PAG1: variants seen among roughly 807,000 people sequenced by gnomAD.
PAG1 encodes phosphoprotein associated with glycosphingolipid-enriched microdomains 1.
In PAG1, 23 loss-of-function variants were observed where a neutral mutation model predicts 31.7. That is an observed-to-expected ratio of 0.73 (90% CI 0.52 to 1.03). The LOEUF (loss-of-function observed/expected upper bound fraction) is 1.03, where lower values mean the gene tolerates loss of function less well. Among genes scored for constraint, PAG1 ranks in the 50% least tolerant of loss-of-function variants. The pLI, the probability that PAG1 is intolerant of heterozygous loss-of-function variation, is 0.00. For missense variants in PAG1, 473 were observed against 540.7 expected (o/e 0.87, Z 1.24); for synonymous variants, 214 against 210.3 (o/e 1.02, Z -0.15).
chr8:80,977,770 C>T (rs1029386896), intron 8 of PAG1, among the ~76,000 whole-genome samples: 20 of 152,134 alleles, frequency 1.3e-4, no homozygotes, highest in South Asian at 2.1e-4. Flanking sequence ...GTATCACCTC[C>T]GATATCAACA....
In PAG1 at chr8:80,990,600, G is replaced by T. The variant is rs1487763664; in HGVS notation, c.177+879C>A. ...ACTGCTCAGCCATTCAAAAGCACGG[G>T]CCTGGGTCAGAGAGGACAAGGAAGG... On this transcript the variant is annotated intron_variant, in intron 5 of 8. Coordinates refer to ENST00000220597, the MANE Select transcript of PAG1 (RefSeq NM_018440.4). The surrounding 1 kb of genome is among the most constrained non-coding windows in gnomAD (Gnocchi z 5.1). Among the ~76,000 whole-genome samples, 1 of 152,150 alleles carries T rather than the reference G, an allele frequency of 6.6e-6. No individual in the cohort carries two copies. Among genetic ancestry groups the T allele is most frequent in the Non-Finnish European group, 1.5e-5 (1 of 68,034 alleles).
intron 8 of PAG1, 95 bp from the exon 9 acceptor site, chr8:80,977,001 C>G (rs757752009): frequency 8.1e-6 from 9 of 1,116,456 alleles, no homozygotes; most frequent in South Asian, 1.5e-5. Context: ...TCCTGGGTTT[C>G]TGTGTGTGTA....
At chr8:81,005,705 A>G (rs1281662363) in intron 3 of PAG1, among the ~76,000 whole-genome samples, 1 of 152,180 alleles carries the variant, frequency 6.6e-6, no homozygotes, top group Non-Finnish European at 1.5e-5. Context: ...CCCAGCCTCC[A>G]TCTGTATCAG....
intron 2 of PAG1, among the ~76,000 whole-genome samples, chr8:81,056,663 A>C (rs543697897): frequency 6.6e-6 from 1 of 152,234 alleles, no homozygotes; most frequent in African/African-American, 2.4e-5. Context: ...GGCACGGGCA[A>C]GGACTTCATG....
chr8:81,080,253 A>G (rs185872635), intron 1 of PAG1, among the ~76,000 whole-genome samples: 4 of 152,088 alleles, frequency 2.6e-5, no homozygotes, highest in African/African-American at 9.7e-5. Context: ...TTTAGTGACT[A>G]GCCTTCGTAG....
intron 6 of PAG1, among the ~76,000 whole-genome samples, chr8:80,985,932 G>A (rs189897795): frequency 2.0e-5 from 3 of 148,918 alleles, no homozygotes; most frequent in East Asian, 3.9e-4. Flanking sequence ...ATCTCATCCC[G>A]CCACCAACAT....
chr8:81,037,956 C>T (rs1381237313), intron 2 of PAG1, among the ~76,000 whole-genome samples: 2 of 152,236 alleles, frequency 1.3e-5, no homozygotes, highest in African/African-American at 4.8e-5. Flanking sequence ...AATGCACATG[C>T]CCTATCCTGC....
intron 1 of PAG1, among the ~76,000 whole-genome samples, chr8:81,103,921 G>C (rs1487949495): frequency 6.6e-6 from 1 of 152,180 alleles, no homozygotes; most frequent in African/African-American, 2.4e-5. Flanking sequence ...CATGAAGCCT[G>C]TGTCCTGCTG....
intron 1 of PAG1, among the ~76,000 whole-genome samples, chr8:81,101,387 A>T (rs1474696388): frequency 6.6e-6 from 1 of 152,230 alleles, no homozygotes. Context: ...ATCAGGACTT[A>T]TGATCAATAT....
intron 3 of PAG1, among the ~76,000 whole-genome samples, chr8:81,014,535 A>G (rs184264105): frequency 1.9e-3 from 284 of 152,340 alleles, no homozygotes; most frequent in Middle Eastern, 3.4e-3. Flanking sequence ...ATGTCTTGAA[A>G]ATGTTAATTA....
intron 3 of PAG1, among the ~76,000 whole-genome samples, chr8:80,995,269 A>G (rs780107422): frequency 1.3e-5 from 2 of 152,250 alleles, no homozygotes; most frequent in Non-Finnish European, 2.9e-5. Flanking sequence ...CTCTATAATT[A>G]TATAAATGCA....
chr8:80,992,529 C>T (rs144006371), intron 4 of PAG1, among the ~76,000 whole-genome samples: 2 of 152,114 alleles, frequency 1.3e-5, no homozygotes, highest in African/African-American at 4.8e-5. Flanking sequence ...GCAAAGATTT[C>T]TCTTGTTGGG....
chr8:81,103,013 T>C (rs1809632850), intron 1 of PAG1, among the ~76,000 whole-genome samples: 1 of 152,188 alleles, frequency 6.6e-6, no homozygotes, highest in African/African-American at 2.4e-5. Context: ...TTGCAATTGC[T>C]GAAAAATAAA....
At chr8:81,087,792 C>CAGTCAGTCACCTGGGCT (rs1172381980) in intron 1 of PAG1, among the ~76,000 whole-genome samples, 9 of 152,314 alleles carry the variant, frequency 5.9e-5, no homozygotes, top group Non-Finnish European at 1.3e-4. Flanking sequence ...GGCTACACTG[C>CAGTCAGTCACCTGGGCT]AGTCAGTCAC....
intron 1 of PAG1, among the ~76,000 whole-genome samples, chr8:81,072,139 T>C (rs1422233668): frequency 3.3e-5 from 5 of 152,132 alleles, no homozygotes; most frequent in Admixed American, 2.6e-4. Flanking sequence ...GTTCTGCTAG[T>C]GAGTATATCT....
At chr8:81,080,300 G>T (rs753092042) in intron 1 of PAG1, among the ~76,000 whole-genome samples, 42 of 152,080 alleles carry the variant, frequency 2.8e-4, no homozygotes, top group African/African-American at 9.9e-4. Flanking sequence ...ATTCTATGGG[G>T]GTCTTAAGTT....
intron 1 of PAG1, among the ~76,000 whole-genome samples, chr8:81,080,647 C>T (rs73279991): frequency 0.087 from 13,193 of 152,176 alleles, 1,531 homozygotes; most frequent in African/African-American, 0.26. Flanking sequence ...CCAGTGTTGG[C>T]AGATTTTCTT....
rs1273511649 is a variant in PAG1, at chr8:80,976,250, G to A, written c.*294C>T. On this transcript the variant is annotated 3_prime_UTR_variant, in exon 9 of 9. Coordinates refer to ENST00000220597, the MANE Select transcript of PAG1 (RefSeq NM_018440.4). ...ATACAGCTTGGCTTTCCTCACTAAT[G>A]AGATGAGACCACTGACAGCTGGGAT... is the stretch of plus-strand genomic sequence containing the variant. The A allele has an allele frequency of 3.0e-6, 1 of 329,158 alleles. No individual in the cohort carries two copies. The highest frequency in any genetic ancestry group is 5.5e-6 in the Non-Finnish European group (1 of 180,326). The allele number at this position is 329,158 out of a possible 1,614,324, so 20.4% of individuals were successfully genotyped here. A position where few individuals can be genotyped will look rare whatever the true frequency, so the allele number is the denominator to read the frequency against.
At chr8:81,019,777 C>T (rs1353726005) in intron 3 of PAG1, among the ~76,000 whole-genome samples, 1 of 152,200 alleles carries the variant, frequency 6.6e-6, no homozygotes, top group Non-Finnish European at 1.5e-5. Flanking sequence ...CCCACTGGGG[C>T]ACTGCCTAGT....
Sources: gnomAD v4.1 joint callset for allele counts (sites outside exome capture counted in the v4.1 genomes callset) on GRCh38, gnomAD v4.1.1 for gene constraint, Gnocchi (gnomAD v3.1) non-coding constraint, MANE v1.5 for transcripts, NCBI Gene and HGNC (gene_info 2026-07-23, HGNC 2026-07-21) for gene names.